Variants in INVS observed in about 807,000 individuals in gnomAD.
The protein encoded by INVS is inversion of embryo turning homolog.
Under a neutral mutation model 108.8 loss-of-function variants are expected in INVS, and 86 were observed. The ratio of observed to expected loss-of-function variants is 0.79; its 90% CI spans 0.66 to 0.95. The LOEUF (loss-of-function observed/expected upper bound fraction) is 0.95, where lower values mean the gene tolerates loss of function less well. Among genes scored for constraint, INVS ranks in the 40% least tolerant of loss-of-function variants. The pLI is 0.00. For missense variants in INVS, 1,169 were observed against 1,297.4 expected, an observed-to-expected ratio of 0.90 and a Z score of 1.52; for synonymous variants, 455 against 473.5, an observed-to-expected ratio of 0.96 and a Z score of 0.51.
At chr9:100,153,141 G>A (rs56265710) in intron 3 of INVS, among the ~76,000 whole-genome samples, 2,109 of 151,458 alleles carry the variant, frequency 0.014, 38 homozygotes, top group African/African-American at 0.049. Flanking sequence ...GAAGAATCTC[G>A]GTGTAAGGAA....
intron 5 of INVS, among the ~76,000 whole-genome samples, chr9:100,232,343 G>A (rs539050249): frequency 1.3e-5 from 2 of 152,164 alleles, no homozygotes; most frequent in East Asian, 3.9e-4. Flanking sequence ...CTGTGCCAAA[G>A]CTCTTTAGTT....
rs1831455378 is a variant in INVS at position 100,229,979 on chromosome 9, A to T, written c.615+152A>T. ...ATGGACTCATCCCCCAAGAAGTAGA[A>T]CATTTCAGTACCACTATTTAAGACC... On this transcript the variant is annotated intron_variant, in intron 5 of 16. Coordinates refer to ENST00000262457, the MANE Select transcript of INVS (RefSeq NM_014425.5). The T allele has an allele frequency of 6.9e-6, 5 of 720,730 alleles. No individual in the cohort carries two copies. The East Asian group carries it at 1.4e-4, about 20-fold the overall frequency. 44.6% of individuals were successfully genotyped at this position (720,730 alleles called of 1,614,324 possible).
Position 100,183,761 on chromosome 9 carries a change from A to G in INVS, c.274-42301A>G, listed in dbSNP as rs1829966452. Among the ~76,000 whole-genome samples, 3 of 146,218 alleles carry G rather than the reference A, an allele frequency of 2.1e-5. No individual in the cohort carries two copies. The South Asian group carries it at 6.7e-4, about 32-fold the overall frequency. On this transcript the variant is annotated intron_variant, in intron 3 of 16. Coordinates refer to ENST00000262457, the MANE Select transcript of INVS (RefSeq NM_014425.5). Reference sequence around the variant, plus strand: ...AGCCGAGATCGCGCCACTGTACTCCAGCCTGGGCAACAGAGTGAAACTCTG... The same window carrying G: ...AGCCGAGATCGCGCCACTGTACTCCGGCCTGGGCAACAGAGTGAAACTCTG...
In INVS at chr9:100,276,710, T is replaced by C. The variant is rs567383024; in HGVS notation, c.1784+3634T>C. Among the ~76,000 whole-genome samples the C allele has an allele frequency of 7.2e-5, 11 of 152,214 alleles. No individual in the cohort carries two copies. In the South Asian group the frequency reaches 2.3e-3, roughly 32 times the overall value. On this transcript the variant is annotated intron_variant, in intron 12 of 16. Transcript: ENST00000262457. ...TTTTAGTAGAGATGGGGTTTCACCA[T>C]GTTGGCTAGGCTGGTGTCAAACTCC... is the stretch of plus-strand genomic sequence containing the variant.
intron 12 of INVS, among the ~76,000 whole-genome samples, chr9:100,283,549 G>A (rs1010679627): frequency 1.3e-5 from 2 of 151,972 alleles, no homozygotes; most frequent in African/African-American, 2.4e-5. Context: ...CCCCTAACTC[G>A]GCCCCTTTGT....
At chr9:100,155,879 A>C (rs1828959995) in intron 3 of INVS, among the ~76,000 whole-genome samples, 1 of 152,234 alleles carries the variant, frequency 6.6e-6, no homozygotes, top group African/African-American at 2.4e-5. Flanking sequence ...ATACAAATAT[A>C]AACTATTGAT....
intron 3 of INVS, among the ~76,000 whole-genome samples, chr9:100,140,590 A>C (rs932197527): frequency 1.3e-5 from 2 of 152,194 alleles, no homozygotes; most frequent in Non-Finnish European, 2.9e-5. Context: ...GAGGCCTGAC[A>C]TTCCTGTCTT....
At chr9:100,133,278 C>T (rs1226293484) in intron 3 of INVS, among the ~76,000 whole-genome samples, 1 of 152,100 alleles carries the variant, frequency 6.6e-6, no homozygotes, top group African/African-American at 2.4e-5. Flanking sequence ...TCCCTGTCTC[C>T]TCAGTCTGTC....
intron 2 of INVS, among the ~76,000 whole-genome samples, chr9:100,115,539 G>A (rs929866072): frequency 1.3e-5 from 2 of 152,058 alleles, no homozygotes; most frequent in Admixed American, 6.5e-5. Flanking sequence ...CCACCTATGA[G>A]TGAGAACATG....
intron 11 of INVS, among the ~76,000 whole-genome samples, chr9:100,268,925 A>G (rs888190708): frequency 6.6e-6 from 1 of 152,146 alleles, no homozygotes; most frequent in Non-Finnish European, 1.5e-5. Flanking sequence ...ATTTGTAGGT[A>G]AAGGAATAAT....
chr9:100,208,092 G>GT (rs1272254467), intron 3 of INVS, among the ~76,000 whole-genome samples: 6 of 152,200 alleles, frequency 3.9e-5, no homozygotes. Flanking sequence ...CCACCAAGCT[G>GT]TAGCATTATG....
At chr9:100,189,307 C>T (rs1830152333) in intron 3 of INVS, among the ~76,000 whole-genome samples, 1 of 150,780 alleles carries the variant, frequency 6.6e-6, no homozygotes, top group Non-Finnish European at 1.5e-5. Flanking sequence ...TGTTTCTTTA[C>T]TTCCTTGAAG....
Position 100,253,122 on chromosome 9 carries a change from A to G in INVS, c.1450A>G (p.Ile484Val), listed in dbSNP as rs1832292210. Reference protein sequence around the residue: ...VLMENNADPNIQDKEGRTALH... With the variant: ...VLMENNADPNVQDKEGRTALH... ...CATGGAAAACAATGCAGACCCTAAC[A>G]TTCAAGACAAAGAGGTAGAAATTCT... is the stretch of plus-strand genomic sequence containing the variant. Residue 484 changes from isoleucine to valine, a missense_variant, in exon 10 of 17, where the codon ATT (isoleucine) becomes GTT (valine). Transcript: ENST00000262457. 1.2e-6 allele frequency: 2 copies of G among 1,612,282 alleles called. No individual in the cohort carries two copies. The highest frequency in any genetic ancestry group is 1.3e-5 in the African/African-American group (1 of 74,912).
At chr9:100,187,819 C>T (rs544963047) in intron 3 of INVS, among the ~76,000 whole-genome samples, 6 of 152,260 alleles carry the variant, frequency 3.9e-5, no homozygotes, top group Admixed American at 3.3e-4. Context: ...TGCATCCAGC[C>T]TCATCTATGA....
chr9:100,244,171 C>T (rs1486178181), intron 7 of INVS, among the ~76,000 whole-genome samples: 1 of 152,134 alleles, frequency 6.6e-6, no homozygotes, highest in African/African-American at 2.4e-5. Context: ...ATAATCCTTG[C>T]TTCTTGTATT....
In INVS at chr9:100,273,017, C is replaced by T; in HGVS notation, c.1725C>T (p.Phe575=). Residue 575 remains phenylalanine, a synonymous_variant, in exon 12 of 17, where the codon TTC becomes TTT. Transcript: ENST00000262457. The part of the protein sequence containing the change: ...VYKGYKVRKA[F]RDRKNLLMKH... ...AAGGGTACAAGGTCAGAAAAGCCTTCCGAGACAGGAAAAATCTCCTCATGA... is the reference window on the plus strand; with the variant it reads ...AAGGGTACAAGGTCAGAAAAGCCTTTCGAGACAGGAAAAATCTCCTCATGA... 3 of 1,613,980 alleles carry T rather than the reference C, an allele frequency of 1.9e-6. No homozygotes were observed. The highest frequency in any genetic ancestry group is 2.5e-6 in the Non-Finnish European group (3 of 1,180,008).
intron 1 of INVS, among the ~76,000 whole-genome samples, chr9:100,101,055 T>A (rs1238655693): frequency 8.9e-6 from 1 of 112,506 alleles, no homozygotes; most frequent in Non-Finnish European, 1.7e-5. Flanking sequence ...TATATATAAT[T>A]TATATATGTA....
Position 100,298,053 on chromosome 9 carries a change from G to C in INVS, c.3091+43G>C, listed in dbSNP as rs374387569. On this transcript the variant is annotated intron_variant, in intron 16 of 16. Transcript: ENST00000262457. ...AAGCAGATGGTGGGGAAGAACATGG[G>C]GAAGCATTTTCCTTTGTTTCATCCC... 48 of 1,613,894 alleles carry C rather than the reference G, an allele frequency of 3.0e-5. No homozygotes were observed. In the African/African-American group the frequency reaches 6.3e-4, roughly 21 times the overall value.
chr9:100,133,259 AC>A (rs754609741), intron 3 of INVS, among the ~76,000 whole-genome samples: 39 of 151,742 alleles, frequency 2.6e-4, no homozygotes, highest in Admixed American at 8.5e-4. Context: ...ATCTTCCAAA[AC>A]CCTTCTTTCC....
Sources: gnomAD v4.1 joint callset for allele counts (sites outside exome capture counted in the v4.1 genomes callset) on GRCh38, gnomAD v4.1.1 for gene constraint, MANE v1.5 for transcripts, NCBI Gene and HGNC (gene_info 2026-07-23, HGNC 2026-07-21) for gene names.